Variants in EXOC6B observed in about 807,000 individuals in gnomAD.
The protein encoded by EXOC6B is exocyst complex component 6B.
A neutral mutation model predicts 113.5 loss-of-function variants in EXOC6B; 54 were observed. The ratio of observed to expected loss-of-function variants is 0.48; its 90% CI spans 0.38 to 0.60. EXOC6B has a LOEUF of 0.60. EXOC6B is among the 20% of genes least tolerant of loss of function. EXOC6B has a pLI of 0.00. For missense variants in EXOC6B, 797 were observed against 977.5 expected (o/e 0.82, Z 2.46); for synonymous variants, 357 against 339.0 (o/e 1.05, Z -0.58).
intron 1 of EXOC6B, among the ~76,000 whole-genome samples, chr2:72,746,679 G>C (rs1658553451): frequency 6.6e-6 from 1 of 151,996 alleles, no homozygotes; most frequent in Admixed American, 6.6e-5. Flanking sequence ...GAAAAATAAT[G>C]TTATAAGCAT....
At chr2:72,413,072 C>T (rs568395364) in intron 18 of EXOC6B, among the ~76,000 whole-genome samples, 24 of 152,214 alleles carry the variant, frequency 1.6e-4, no homozygotes, top group Non-Finnish European at 2.5e-4. Context: ...CATTCTCCTG[C>T]CTCAGCCTCC....
intron 5 of EXOC6B, among the ~76,000 whole-genome samples, chr2:72,720,899 GA>G (rs1679958902): frequency 6.6e-6 from 1 of 151,848 alleles, no homozygotes; most frequent in African/African-American, 2.4e-5. Context: ...TGTCTAATAG[GA>G]AAGCTTCTAT....
chr2:72,264,704 G>T (rs530031068), intron 20 of EXOC6B, among the ~76,000 whole-genome samples: 4 of 152,074 alleles, frequency 2.6e-5, no homozygotes, highest in African/African-American at 9.6e-5. Context: ...GAATCATGGG[G>T]GCAGTTTTCC....
At chr2:72,317,698 C>T (rs945311741) in intron 20 of EXOC6B, among the ~76,000 whole-genome samples, 2 of 151,988 alleles carry the variant, frequency 1.3e-5, no homozygotes, top group East Asian at 1.9e-4. Context: ...TTAATAATGC[C>T]GCCAATTTAC....
chr2:72,780,344 C>T (rs1252762850), intron 1 of EXOC6B, among the ~76,000 whole-genome samples: 4 of 152,124 alleles, frequency 2.6e-5, no homozygotes, highest in Non-Finnish European at 5.9e-5. Context: ...CTCAGCAGAG[C>T]AAAACAGGAC....
At chr2:72,349,525 T>G (rs1349109318) in intron 19 of EXOC6B, among the ~76,000 whole-genome samples, 1 of 152,120 alleles carries the variant, frequency 6.6e-6, no homozygotes, top group Non-Finnish European at 1.5e-5. Context: ...TAATCAATCT[T>G]GCCTATGCAA....
At position 72,752,212 on chromosome 2, in the gene EXOC6B, C is replaced by T. The variant is rs969063059; in HGVS notation, c.114-10743G>A. Among the ~76,000 whole-genome samples, 23 of 152,216 alleles carry T rather than the reference C, an allele frequency of 1.5e-4. No homozygotes were observed. The South Asian group carries it at 4.3e-3, about 29-fold the overall frequency. On this transcript the variant is annotated intron_variant, in intron 1 of 21. Transcript: ENST00000272427. ...ATTTAAAAAATTCAGGCTTATTAGGCACAAAATATTCTTAACTTCTTGCAT... is the reference window on the plus strand; with the variant it reads ...ATTTAAAAAATTCAGGCTTATTAGGTACAAAATATTCTTAACTTCTTGCAT...
chr2:72,630,436 A>G (rs945278766), intron 6 of EXOC6B, among the ~76,000 whole-genome samples: 11 of 152,214 alleles, frequency 7.2e-5, no homozygotes, highest in African/African-American at 2.2e-4. Context: ...GATTAACAGT[A>G]ACTAACTCCC....
intron 20 of EXOC6B, among the ~76,000 whole-genome samples, chr2:72,322,615 C>T (rs1687899771): frequency 6.6e-6 from 1 of 152,068 alleles, no homozygotes; most frequent in Non-Finnish European, 1.5e-5. Context: ...ATAACCAAAA[C>T]AGCATGGTAC....
At chr2:72,476,005 C>T (rs1004717423) in intron 17 of EXOC6B, among the ~76,000 whole-genome samples, 30 of 152,314 alleles carry the variant, frequency 2.0e-4, no homozygotes, top group East Asian at 7.7e-4. Context: ...CAGGATAATG[C>T]GCTATCTGTT....
At chr2:72,572,039 T>G (rs1222757417) in intron 7 of EXOC6B, among the ~76,000 whole-genome samples, 1 of 152,248 alleles carries the variant, frequency 6.6e-6, no homozygotes, top group South Asian at 2.1e-4. Context: ...TATAAAATTT[T>G]ATTTAAAATG....
At chr2:72,549,006 T>C (rs577545318) in intron 8 of EXOC6B, among the ~76,000 whole-genome samples, 7 of 151,678 alleles carry the variant, frequency 4.6e-5, no homozygotes, top group Non-Finnish European at 8.8e-5. Flanking sequence ...AGTGAGACGC[T>C]GTCTCAAAAA....
intron 8 of EXOC6B, among the ~76,000 whole-genome samples, chr2:72,539,843 A>G: frequency 6.6e-6 from 1 of 151,836 alleles, no homozygotes; most frequent in Admixed American, 6.6e-5. Context: ...CATGCGCACA[A>G]TGTGCAGGTT....
chr2:72,701,131 C>A (rs933555650), intron 6 of EXOC6B, among the ~76,000 whole-genome samples: 2 of 151,628 alleles, frequency 1.3e-5, no homozygotes, highest in African/African-American at 4.8e-5. Context: ...ATCATGAGGT[C>A]AAGGAGATCA....
chr2:72,448,911 G>A (rs1039387174), intron 18 of EXOC6B, among the ~76,000 whole-genome samples: 1 of 152,042 alleles, frequency 6.6e-6, no homozygotes, highest in Non-Finnish European at 1.5e-5. Flanking sequence ...AAGTCTTTTG[G>A]GCCGATAGAG....
At chr2:72,661,714 T>C (rs1675030207) in intron 6 of EXOC6B, among the ~76,000 whole-genome samples, 2 of 151,982 alleles carry the variant, frequency 1.3e-5, no homozygotes, top group African/African-American at 4.8e-5. Context: ...CTAGAATTTA[T>C]ATAGAGAAGC....
At chr2:72,227,975 T>C (rs868158730) in intron 20 of EXOC6B, among the ~76,000 whole-genome samples, 1 of 152,110 alleles carries the variant, frequency 6.6e-6, no homozygotes, top group Non-Finnish European at 1.5e-5. Flanking sequence ...ATTGCAAAGA[T>C]AAAATGATAT....
chr2:72,629,907 C>T (rs1433261110), intron 6 of EXOC6B, among the ~76,000 whole-genome samples: 2 of 152,152 alleles, frequency 1.3e-5, no homozygotes, highest in African/African-American at 4.8e-5. Flanking sequence ...AGCTAATACA[C>T]CACTTTTTAT....
chr2:72,668,294 G>T (rs901326270), intron 6 of EXOC6B, among the ~76,000 whole-genome samples: 2 of 152,130 alleles, frequency 1.3e-5, no homozygotes, highest in African/African-American at 4.8e-5. Context: ...AGAAAAAAGG[G>T]GACATTTATA....
Sources: allele counts gnomAD v4.1 joint callset (sites outside exome capture counted in the v4.1 genomes callset), GRCh38; gene constraint gnomAD v4.1.1; transcripts MANE v1.5; gene names NCBI Gene and HGNC (gene_info 2026-07-23, HGNC 2026-07-21).